Variants in HDLBP observed in about 807,000 individuals in gnomAD.
The protein encoded by HDLBP is vigilin.
In HDLBP, 30 loss-of-function variants were observed where a neutral mutation model predicts 137.3. That is an observed-to-expected ratio of 0.22 (90% CI 0.16 to 0.30). HDLBP has a LOEUF of 0.30. Ranked by LOEUF, HDLBP falls within the 10% of genes least tolerant of loss-of-function variation. The pLI is 1.00. For synonymous variants in HDLBP, 606 were observed against 596.0 expected (o/e 1.02, Z -0.24); for missense variants, 1,119 against 1,667.3 (o/e 0.67, Z 5.73).
At chr2:241,312,310 C>T (rs1026994207) in intron 1 of HDLBP, among the ~76,000 whole-genome samples, 1 of 152,164 alleles carries the variant, frequency 6.6e-6, no homozygotes, top group Admixed American at 6.5e-5. Context: ...CAACGGTATT[C>T]GAGGAACTTC....
chr2:241,264,126 G>A (rs2073442656), intron 4 of HDLBP, among the ~76,000 whole-genome samples: 1 of 151,484 alleles, frequency 6.6e-6, no homozygotes. Flanking sequence ...CACTTTGGGA[G>A]GCCGAGGAAG....
intron 3 of HDLBP, among the ~76,000 whole-genome samples, chr2:241,266,202 T>C (rs2073662059): frequency 6.6e-6 from 1 of 152,152 alleles, no homozygotes; most frequent in African/African-American, 2.4e-5. Context: ...AGAGAAATAA[T>C]CTCAAATATC....
chr2:241,254,137 C>T (rs1483792102), intron 9 of HDLBP, among the ~76,000 whole-genome samples: 2 of 152,070 alleles, frequency 1.3e-5, no homozygotes, highest in Non-Finnish European at 1.5e-5. Context: ...TAGCCTGGGG[C>T]GCCTGTAGTG....
At chr2:241,243,295 C>A (rs899278686) in intron 16 of HDLBP, among the ~76,000 whole-genome samples, 4 of 152,168 alleles carry the variant, frequency 2.6e-5, no homozygotes, top group African/African-American at 9.7e-5. Context: ...GGAGACCAGC[C>A]ACTCATATAC....
At chr2:241,264,626 T>G in intron 3 of HDLBP, 21 bp from the exon 4 acceptor site, 1 of 1,608,908 alleles carries the variant, frequency 6.2e-7, no homozygotes, top group South Asian at 1.1e-5. Flanking sequence ...CAACACAGAT[T>G]AAAAGGAAGC....
In HDLBP at chr2:241,227,840, G is replaced by A. The variant is rs1354667323; in HGVS notation, c.*1761C>T. On this transcript the variant is annotated 3_prime_UTR_variant, in exon 28 of 28. Transcript: ENST00000310931. ...CAGCCCTTCCCCACTGGCCTCCCCCGTGGAGGTGGAGTAGACAGATCCCGG... is the reference window on the plus strand; with the variant it reads ...CAGCCCTTCCCCACTGGCCTCCCCCATGGAGGTGGAGTAGACAGATCCCGG... 5 of 152,136 alleles carry A rather than the reference G, an allele frequency of 3.3e-5. No individual in the cohort carries two copies. The highest frequency in any genetic ancestry group is 1.9e-4 in the East Asian group (1 of 5,198). 9.4% of individuals were successfully genotyped at this position (152,136 alleles called of 1,614,324 possible).
At chr2:241,242,877 T>G in intron 16 of HDLBP, 199 bp from the exon 17 acceptor site, 1 of 593,548 alleles carries the variant, frequency 1.7e-6, no homozygotes, top group South Asian at 1.9e-5. Flanking sequence ...CTGGGGAGAG[T>G]GGGGTGCGCC....
intron 23 of HDLBP, among the ~76,000 whole-genome samples, chr2:241,234,741 T>A (rs1414000414): frequency 6.6e-6 from 1 of 152,202 alleles, no homozygotes; most frequent in East Asian, 1.9e-4. Flanking sequence ...TCATTCGCCC[T>A]TTGACCACCC....
intron 12 of HDLBP, chr2:241,249,498 G>A: frequency 2.0e-6 from 1 of 506,316 alleles, no homozygotes; most frequent in Non-Finnish European, 4.0e-6. Flanking sequence ...GGCCTTACAT[G>A]AGAACCACCT....
At chr2:241,237,408 CAAT>C (rs2070676664) in intron 20 of HDLBP, among the ~76,000 whole-genome samples, 1 of 152,154 alleles carries the variant, frequency 6.6e-6, no homozygotes. Flanking sequence ...GACACCACAA[CAAT>C]AAGTGTCACA....
chr2:241,288,170 G>A (rs1559545937), intron 1 of HDLBP, among the ~76,000 whole-genome samples: 2 of 152,174 alleles, frequency 1.3e-5, no homozygotes, highest in South Asian at 2.1e-4. Flanking sequence ...GTGAAAAACA[G>A]AGTCACAAAA....
intron 21 of HDLBP, among the ~76,000 whole-genome samples, 190 bp from the exon 22 acceptor site, chr2:241,235,784 G>A (rs973294640): frequency 6.6e-5 from 10 of 152,218 alleles, no homozygotes; most frequent in Non-Finnish European, 2.9e-5. Flanking sequence ...TTAGGCTAAT[G>A]CTGGCAGACA....
chr2:241,266,362 TCTA>T (rs1303868907), intron 3 of HDLBP, among the ~76,000 whole-genome samples: 2 of 152,216 alleles, frequency 1.3e-5, no homozygotes, highest in African/African-American at 4.8e-5. Flanking sequence ...TGTAGTCTAT[TCTA>T]CTGTACAGCA....
chr2:241,235,020 C>G, intron 23 of HDLBP, 101 bp downstream of exon 23: 1 of 1,415,422 alleles, frequency 7.1e-7, no homozygotes, highest in South Asian at 1.3e-5. Context: ...AGCCAGATGT[C>G]GCTGGGATGC....
intron 4 of HDLBP, 150 bp from the exon 5 acceptor site, chr2:241,263,076 C>T (rs937820990): frequency 1.4e-5 from 9 of 640,542 alleles, no homozygotes; most frequent in Admixed American, 8.5e-5. Flanking sequence ...ATAAAGCAGC[C>T]GAAAGACAAG....
chr2:241,265,601 CT>C (rs1438813794), intron 3 of HDLBP, among the ~76,000 whole-genome samples: 2 of 152,248 alleles, frequency 1.3e-5, no homozygotes, highest in Non-Finnish European at 2.9e-5. Context: ...AAGGGTGTGA[CT>C]GTTTTGGATA....
rs147260848 is a variant in HDLBP, at chr2:241,306,080, G to T, written c.-103+9490C>A. 5.6e-3 allele frequency among the ~76,000 whole-genome samples: 853 copies of T among 151,964 alleles called. 16 individuals carry two copies. The highest frequency in any genetic ancestry group is 0.019 in the African/African-American group (792 of 41,464). On this transcript the variant is annotated intron_variant, in intron 1 of 27. Transcript: ENST00000310931. ...CGGCCAAAAAGTTTTAATAGGTGAG[G>T]ATTTTTATATCATTCATGGATTCTT...
intron 21 of HDLBP, 97 bp downstream of exon 21, chr2:241,236,518 C>T: frequency 7.8e-7 from 1 of 1,280,102 alleles, no homozygotes; most frequent in Non-Finnish European, 1.1e-6. Context: ...GCCACTGCCG[C>T]TTGGGCAACC....
intron 20 of HDLBP, among the ~76,000 whole-genome samples, chr2:241,237,339 G>C (rs2149374400): frequency 6.6e-6 from 1 of 152,336 alleles, no homozygotes; most frequent in East Asian, 1.9e-4. Context: ...ACAGGACACA[G>C]AAGACAGCTG....
Sources: gnomAD v4.1 joint callset for allele counts (sites outside exome capture counted in the v4.1 genomes callset) on GRCh38, gnomAD v4.1.1 for gene constraint, MANE v1.5 for transcripts, NCBI Gene and HGNC (gene_info 2026-07-23, HGNC 2026-07-21) for gene names.